The following NPAS3 variants were observed in gnomAD, a reference collection of about 807,000 sequenced individuals.
NPAS3 encodes the protein neuronal PAS domain protein 3, also known as neuronal PAS domain-containing protein 3.
In NPAS3, 14 loss-of-function variants were observed where a neutral mutation model predicts 73.1. That is an observed-to-expected ratio of 0.19 (90% CI 0.13 to 0.30). The LOEUF is 0.30. Ranked by LOEUF, NPAS3 falls within the 10% of genes least tolerant of loss-of-function variation. The pLI is 1.00. For synonymous variants in NPAS3, 620 were observed against 541.5 expected (o/e 1.14, Z -2.01); for missense variants, 1,096 against 1,250.0 (o/e 0.88, Z 1.86).
At chr14:33,456,599 G>A (rs2139439645) in intron 4 of NPAS3, among the ~76,000 whole-genome samples, 1 of 152,268 alleles carries the variant, frequency 6.6e-6, no homozygotes, top group South Asian at 2.1e-4. Context: ...AAGAGCTAGT[G>A]TTGTTGATCA....
At chr14:33,538,381 T>A (rs576470723) in intron 4 of NPAS3, among the ~76,000 whole-genome samples, 2 of 152,340 alleles carry the variant, frequency 1.3e-5, no homozygotes, top group South Asian at 4.1e-4. Flanking sequence ...TGCTCTGTTG[T>A]GCTGTTAGCA....
chr14:33,365,605 T>C (rs1051917265), intron 3 of NPAS3, among the ~76,000 whole-genome samples: 25 of 152,350 alleles, frequency 1.6e-4, no homozygotes, highest in African/African-American at 6.0e-4. Flanking sequence ...GAATATTCTT[T>C]TGATAATGAT....
At chr14:33,092,004 C>G (rs2138816706) in intron 2 of NPAS3, among the ~76,000 whole-genome samples, 1 of 152,310 alleles carries the variant, frequency 6.6e-6, no homozygotes, top group South Asian at 2.1e-4. Flanking sequence ...AACAAACCCA[C>G]AGCAATATCA....
chr14:33,444,188 C>T (rs756482921), intron 4 of NPAS3, among the ~76,000 whole-genome samples: 6 of 152,148 alleles, frequency 3.9e-5, no homozygotes, highest in Admixed American at 1.3e-4. Flanking sequence ...AAACTCAGGG[C>T]GTGGGACTGA....
At chr14:33,264,599 G>A (rs2049103151) in intron 3 of NPAS3, among the ~76,000 whole-genome samples, 1 of 152,114 alleles carries the variant, frequency 6.6e-6, no homozygotes. Flanking sequence ...ATAATGAGAA[G>A]AGTTAGTGTC....
intron 8 of NPAS3, among the ~76,000 whole-genome samples, chr14:33,777,028 A>G (rs146658659): frequency 7.2e-5 from 11 of 152,140 alleles, no homozygotes; most frequent in Admixed American, 2.0e-4. Context: ...TTAATTAGGG[A>G]ATTGTTAACT....
intron 5 of NPAS3, among the ~76,000 whole-genome samples, chr14:33,669,894 GT>G (rs908665423): frequency 9.2e-5 from 14 of 151,962 alleles, no homozygotes; most frequent in East Asian, 7.7e-4. Flanking sequence ...GTTGTTGTTT[GT>G]TTTTTTGGGG....
At chr14:33,537,522 T>C (rs1197014789) in intron 4 of NPAS3, among the ~76,000 whole-genome samples, 1 of 152,240 alleles carries the variant, frequency 6.6e-6, no homozygotes, top group East Asian at 1.9e-4. Flanking sequence ...TTGTAGTTTC[T>C]TTATATTCAA....
intron 9 of NPAS3, among the ~76,000 whole-genome samples, chr14:33,788,294 G>T (rs946663382): frequency 1.3e-5 from 2 of 152,148 alleles, no homozygotes; most frequent in Non-Finnish European, 2.9e-5. Flanking sequence ...TCCAGGAGGG[G>T]GTGAATGGCG....
At chr14:33,400,385 T>G (rs1285250524) in intron 4 of NPAS3, among the ~76,000 whole-genome samples, 2 of 152,166 alleles carry the variant, frequency 1.3e-5, no homozygotes, top group African/African-American at 4.8e-5. Context: ...CATGGAAAAT[T>G]TAAGTCAAGT....
chr14:33,499,138 G>A (rs1334331797), intron 4 of NPAS3, among the ~76,000 whole-genome samples: 1 of 151,772 alleles, frequency 6.6e-6, no homozygotes, highest in Non-Finnish European at 1.5e-5. Context: ...CTATAAATTA[G>A]TTAAAACTTA....
chr14:33,699,168 A>G (rs1306884443), intron 6 of NPAS3, among the ~76,000 whole-genome samples: 1 of 152,248 alleles, frequency 6.6e-6, no homozygotes, highest in East Asian at 1.9e-4. Context: ...AAACATGTGC[A>G]TGTGTTAACT....
At chr14:33,306,342 A>AT (rs1005180309) in intron 3 of NPAS3, among the ~76,000 whole-genome samples, 10 of 152,322 alleles carry the variant, frequency 6.6e-5, no homozygotes, top group Admixed American at 3.9e-4. Flanking sequence ...CAAAATCAGT[A>AT]TTTAACATTT....
At chr14:33,575,705 A>C (rs111645038) in intron 5 of NPAS3, among the ~76,000 whole-genome samples, 3,093 of 152,332 alleles carry the variant, frequency 0.02, 105 homozygotes, top group African/African-American at 0.07. Context: ...TTGGGCTTTT[A>C]AAATCTATTT....
chr14:33,711,774 T>A (rs1440612354), intron 6 of NPAS3, among the ~76,000 whole-genome samples: 1 of 152,164 alleles, frequency 6.6e-6, no homozygotes, highest in Non-Finnish European at 1.5e-5. Context: ...ATTAGATTCC[T>A]ACCAGGGTCA....
chr14:33,200,455 T>C (rs1174340487), intron 2 of NPAS3, among the ~76,000 whole-genome samples: 1 of 152,142 alleles, frequency 6.6e-6, no homozygotes, highest in Non-Finnish European at 1.5e-5. Flanking sequence ...CTCCATTTTA[T>C]GCCTCTTTGC....
At chr14:33,735,416 C>A in intron 7 of NPAS3, 84 bp downstream of exon 7, 1 of 927,996 alleles carries the variant, frequency 1.1e-6, no homozygotes, top group Non-Finnish European at 1.8e-6. Context: ...TGCTTTAGGT[C>A]CATATAATGA....
At chr14:33,058,471 C>A (rs768987905) in intron 2 of NPAS3, among the ~76,000 whole-genome samples, 4 of 152,098 alleles carry the variant, frequency 2.6e-5, no homozygotes, top group Non-Finnish European at 5.9e-5. Context: ...CCTTGGGCCT[C>A]AGTAATTACT....
chr14:33,523,070 ATAGT>A (rs1295691351), intron 4 of NPAS3, among the ~76,000 whole-genome samples: 3 of 152,176 alleles, frequency 2.0e-5, no homozygotes, highest in Non-Finnish European at 4.4e-5. Context: ...GCACTCTAAG[ATAGT>A]TAGACAAATA....
Sources: gnomAD v4.1 joint callset for allele counts (sites outside exome capture counted in the v4.1 genomes callset) on GRCh38, gnomAD v4.1.1 for gene constraint, MANE v1.5 for transcripts, NCBI Gene and HGNC (gene_info 2026-07-23, HGNC 2026-07-21) for gene names.